ZNF808: variants seen among roughly 807,000 people sequenced by gnomAD.
ZNF808 encodes zinc finger protein 808.
In ZNF808, 5 loss-of-function variants were observed where a neutral mutation model predicts 8.7. The ratio of observed to expected loss-of-function variants is 0.58; its 90% CI spans 0.30 to 1.21. The LOEUF (loss-of-function observed/expected upper bound fraction) is 1.21, where lower values mean the gene tolerates loss of function less well. Ranked by LOEUF, ZNF808 falls within the 50% of genes most tolerant of loss-of-function variation. The probability of loss-of-function intolerance (pLI) is 0.07; values close to 1 mark genes in which losing one functional copy is unlikely to be tolerated. For missense variants in ZNF808, 1,103 were observed against 1,098.4 expected (o/e 1.00, Z -0.06); for synonymous variants, 380 against 366.0 (o/e 1.04, Z -0.44).
At chr19:52,546,285 T>C (rs1169210222) in intron 3 of ZNF808, among the ~76,000 whole-genome samples, 3 of 151,720 alleles carry the variant, frequency 2.0e-5, no homozygotes, top group Middle Eastern at 3.4e-3. Flanking sequence ...CCTCCTGATT[T>C]CAAGCAATTC....
At chr19:52,529,467 G>A (rs915206488) in intron 1 of ZNF808, among the ~76,000 whole-genome samples, 2 of 152,108 alleles carry the variant, frequency 1.3e-5, no homozygotes, top group African/African-American at 4.8e-5. Context: ...TGACTTCCCT[G>A]TATATAATCT....
chr19:52,528,348 T>A (rs1209099191), intron 1 of ZNF808, among the ~76,000 whole-genome samples: 4 of 151,992 alleles, frequency 2.6e-5, no homozygotes, highest in African/African-American at 4.8e-5. Context: ...GGCGTCTTAC[T>A]CCAAACCCTC....
rs1222746465 is a variant in ZNF808 at position 52,555,616 on chromosome 19, G to A, written c.2700G>A (p.Gly900=). Residue 900 remains glycine (G), a synonymous_variant, in exon 5 of 5, where the codon GGG becomes GGA. Transcript: ENST00000359798. ...ACCATCAGGCAATTCATGGTATAGG[G>A]AAATTTGATTAATATAATGATTGTC... The part of the protein sequence containing the change: ...LIHHQAIHGI[G]KFD 6.3e-7 allele frequency: 1 copy of A among 1,597,754 alleles called. No individual in the cohort carries two copies.
chr19:52,561,239 T>TATATATATAC (rs1422204520), downstream of ZNF808, among the ~76,000 whole-genome samples: 13 of 133,500 alleles, frequency 9.7e-5, no homozygotes, highest in African/African-American at 3.8e-4. Flanking sequence ...TATATATATA[T>TATATATATAC]ACACTTTTTT....
chr19:52,547,415 T>C (rs2123155741), intron 3 of ZNF808, 97 bp from the exon 4 acceptor site: 2 of 1,593,804 alleles, frequency 1.3e-6, no homozygotes, highest in East Asian at 4.5e-5. Context: ...ACACAGTCTT[T>C]GATCAAATAA....
At chr19:52,533,345 A>C (rs2059576996) in intron 2 of ZNF808, among the ~76,000 whole-genome samples, 2 of 151,890 alleles carry the variant, frequency 1.3e-5, no homozygotes, top group Admixed American at 1.3e-4. Context: ...TACTGCTTCA[A>C]CTTCCAGAGT....
chr19:52,559,427 T>G (rs1416045687), downstream of ZNF808, among the ~76,000 whole-genome samples: 1 of 152,084 alleles, frequency 6.6e-6, no homozygotes, highest in African/African-American at 2.4e-5. Flanking sequence ...TCTCCACTAT[T>G]ACCTTATTGT....
chr19:52,551,971 C>T (rs1600024315), intron 4 of ZNF808, among the ~76,000 whole-genome samples: 1 of 152,012 alleles, frequency 6.6e-6, no homozygotes, highest in African/African-American at 2.4e-5. Context: ...CCATGACGCT[C>T]CAAGTTGGAG....
chr19:52,567,583 GTCATGA>G (rs1417439759), downstream of ZNF808, among the ~76,000 whole-genome samples: 2 of 150,616 alleles, frequency 1.3e-5, no homozygotes, highest in East Asian at 3.9e-4. Context: ...GGAGTACAAT[GTCATGA>G]TCATGGCTCA....
chr19:52,559,904 ATG>A (rs2123224074), downstream of ZNF808, among the ~76,000 whole-genome samples: 1 of 152,190 alleles, frequency 6.6e-6, no homozygotes, highest in South Asian at 2.1e-4. Context: ...GCATGATGTG[ATG>A]TGTGTGCATG....
downstream of ZNF808, among the ~76,000 whole-genome samples, chr19:52,565,991 G>A (rs963614117): frequency 5.3e-5 from 8 of 152,078 alleles, no homozygotes; most frequent in African/African-American, 1.9e-4. Context: ...TGGATCACAA[G>A]CTCATGAACA....
At position 52,553,129 on chromosome 19, in the gene ZNF808, G is replaced by A; in HGVS notation, c.213G>A (p.Met71Ile). ...EAVDISSKHM[M>I]KEVLSTGQGN... ...TAGATATCTCTTCCAAACACATGAT[G>A]AAGGAGGTCTTGTCAACAGGGCAAG... is the stretch of plus-strand genomic sequence containing the variant. Residue 71 changes from methionine (M) to isoleucine (I), a missense_variant, in exon 5 of 5, where the codon ATG becomes ATA. Met to Ile is a conservative substitution (Grantham distance 10, BLOSUM62 1). Coordinates refer to ENST00000359798, the MANE Select transcript of ZNF808 (RefSeq NM_001039886.4). 1 of 1,566,768 alleles carries A rather than the reference G, an allele frequency of 6.4e-7. No homozygotes were observed. Among genetic ancestry groups the A allele is most frequent in the South Asian group, 1.2e-5 (1 of 82,572 alleles).
intron 3 of ZNF808, chr19:52,563,189 T>G (rs1188334879): frequency 6.6e-6 from 1 of 152,170 alleles, no homozygotes; most frequent in African/African-American, 2.4e-5. Flanking sequence ...TAAGTAGAAG[T>G]TGTGGCTTTT....
In ZNF808 at chr19:52,553,276, T is replaced by A; in HGVS notation, c.360T>A (p.Asp120Glu). Residue 120 changes from aspartate to glutamate, a missense_variant, in exon 5 of 5, where the codon GAT (aspartate) becomes GAA (glutamate). Coordinates refer to ENST00000359798, the MANE Select transcript of ZNF808 (RefSeq NM_001039886.4). ...IHNIEFQCQE[D>E]ERNGHEAPTT... ...ACATTGAGTTTCAGTGTCAAGAAGA[T>A]GAAAGAAATGGCCATGAAGCACCCA... The A allele has an allele frequency of 6.2e-7, 1 of 1,613,708 alleles. No homozygotes were observed. The highest frequency in any genetic ancestry group is 8.5e-7 in the Non-Finnish European group (1 of 1,179,908).
chr19:52,533,937 C>A (rs372578846), intron 2 of ZNF808, among the ~76,000 whole-genome samples: 19 of 149,076 alleles, frequency 1.3e-4, no homozygotes, highest in Non-Finnish European at 2.2e-4. Context: ...CAAATGATTC[C>A]AATTTAAAGC....
chr19:52,553,351 G>A lies in ZNF808; in HGVS notation c.435G>A (p.Arg145=). 3 of 1,614,054 alleles carry A rather than the reference G, an allele frequency of 1.9e-6. No individual in the cohort carries two copies. Among genetic ancestry groups the A allele is most frequent in the South Asian group, 1.1e-5 (1 of 91,078 alleles). ...LTGSTDQHDH[R]HAGNKPIKDQ... ...GTAGCACAGACCAACATGATCACAGGCATGCTGGAAACAAGCCTATTAAAG... is the reference window on the plus strand; with the variant it reads ...GTAGCACAGACCAACATGATCACAGACATGCTGGAAACAAGCCTATTAAAG... The change falls in exon 5 of 5, where the codon AGG becomes AGA. Residue 145 remains arginine (R), a synonymous_variant. Transcript: ENST00000359798.
rs762711244 is a variant in ZNF808 at position 52,547,646 on chromosome 19, A to T, written c.190+8A>T. On this transcript the variant is annotated splice_region_variant and intron_variant, in intron 4 of 4. Coordinates refer to ENST00000359798, the MANE Select transcript of ZNF808 (RefSeq NM_001039886.4). ...GGAACCTGGAGGCTGTGGGTGAGGAAAATGTCCCTGCAGACATGAGGAGTC... is the reference window on the plus strand; with the variant it reads ...GGAACCTGGAGGCTGTGGGTGAGGATAATGTCCCTGCAGACATGAGGAGTC... 1.9e-6 allele frequency: 3 copies of T among 1,613,894 alleles called. No homozygotes were observed. The East Asian group carries it at 6.7e-5, about 36-fold the overall frequency.
At chr19:52,557,488 G>A (rs1317459841), downstream of ZNF808, among the ~76,000 whole-genome samples, 2 of 151,862 alleles carry the variant, frequency 1.3e-5, no homozygotes, top group Non-Finnish European at 2.9e-5. Flanking sequence ...AGCTGGTCTC[G>A]AACTCCTGAC....
chr19:52,535,424 A>G (rs1487127027), intron 2 of ZNF808, among the ~76,000 whole-genome samples: 2 of 150,916 alleles, frequency 1.3e-5, no homozygotes, highest in South Asian at 2.1e-4. Flanking sequence ...TTACTTTGTC[A>G]CCCAGGCTGG....
Sources: gnomAD v4.1 joint callset for allele counts (sites outside exome capture counted in the v4.1 genomes callset) on GRCh38, gnomAD v4.1.1 for gene constraint, MANE v1.5 for transcripts, NCBI Gene and HGNC (gene_info 2026-07-23, HGNC 2026-07-21) for gene names.